SIPA1L3: variants seen among roughly 807,000 people sequenced by gnomAD.
SIPA1L3 encodes the protein signal induced proliferation associated 1 like 3, also known as signal-induced proliferation-associated 1-like protein 3.
SIPA1L3 carries 59 observed loss-of-function variants against 150.1 expected under a neutral mutation model. The observed-to-expected ratio is 0.39, with a 90% CI of 0.32 to 0.49. SIPA1L3 has a LOEUF of 0.49. Ranked by LOEUF, SIPA1L3 falls within the 20% of genes least tolerant of loss-of-function variation. The pLI, the probability that SIPA1L3 is intolerant of heterozygous loss-of-function variation, is 0.86. For missense variants in SIPA1L3, 2,211 were observed against 2,489.5 expected (o/e 0.89, Z 2.38); for synonymous variants, 1,070 against 1,077.6 (o/e 0.99, Z 0.14).
chr19:38,125,902 G>A (rs545415777), intron 9 of SIPA1L3, among the ~76,000 whole-genome samples: 13 of 152,232 alleles, frequency 8.5e-5, no homozygotes, highest in East Asian at 1.9e-4. Context: ...GGCCAAGCGC[G>A]GTGGCTCACG....
At chr19:38,179,657 C>T (rs1442077609) in intron 15 of SIPA1L3, among the ~76,000 whole-genome samples, 2 of 152,030 alleles carry the variant, frequency 1.3e-5, no homozygotes, top group Non-Finnish European at 2.9e-5. Context: ...TGTTTTAACC[C>T]AGCAGTATAG....
chr19:38,025,665 T>C (rs1968493337), intron 1 of SIPA1L3, among the ~76,000 whole-genome samples: 1 of 152,120 alleles, frequency 6.6e-6, no homozygotes, highest in African/African-American at 2.4e-5. Flanking sequence ...GCAATTTCCG[T>C]TGCAATTTAA....
chr19:38,134,023 G>A (rs527540235), intron 10 of SIPA1L3, among the ~76,000 whole-genome samples: 94 of 150,662 alleles, frequency 6.2e-4, no homozygotes, highest in Admixed American at 6.6e-5. Context: ...CACTCTTGTT[G>A]CCCAGACTGC....
intron 1 of SIPA1L3, among the ~76,000 whole-genome samples, chr19:37,916,188 G>A (rs1042471707): frequency 7.9e-5 from 12 of 151,340 alleles, no homozygotes; most frequent in Admixed American, 7.9e-4. Flanking sequence ...CACCACACCC[G>A]GCTAATTTTT....
At chr19:38,090,460 ATG>A (rs1351352634) in intron 4 of SIPA1L3, among the ~76,000 whole-genome samples, 4 of 152,128 alleles carry the variant, frequency 2.6e-5, no homozygotes, top group African/African-American at 9.7e-5. Context: ...CCGGTCTAGC[ATG>A]TGTTACCCAC....
intron 16 of SIPA1L3, among the ~76,000 whole-genome samples, chr19:38,183,307 C>A (rs1008323626): frequency 1.1e-4 from 17 of 151,252 alleles, no homozygotes; most frequent in African/African-American, 4.1e-4. Flanking sequence ...CTGCGAGGAG[C>A]AGGGAGGAGC....
chr19:38,079,287 C>T (rs1204365647), intron 2 of SIPA1L3, among the ~76,000 whole-genome samples: 2 of 152,308 alleles, frequency 1.3e-5, no homozygotes, highest in East Asian at 3.9e-4. Flanking sequence ...GAGCCGAGAT[C>T]GCGCCACTGT....
At chr19:38,103,865 G>A (rs181513613) in intron 6 of SIPA1L3, among the ~76,000 whole-genome samples, 1 of 130,442 alleles carries the variant, frequency 7.7e-6, no homozygotes, top group Admixed American at 9.0e-5. Flanking sequence ...TCGCACCACC[G>A]CACTCCAGCC....
Position 37,992,308 on chromosome 19 carries a change from A to G in SIPA1L3, c.-378-36781A>G, listed in dbSNP as rs534896789. Reference sequence around the variant, plus strand: ...TCATGATCATAATGCACAATTAAGAATGTCAGCTTGAGGCCTAGCAGTCAG... The same window carrying G: ...TCATGATCATAATGCACAATTAAGAGTGTCAGCTTGAGGCCTAGCAGTCAG... On this transcript the variant is annotated intron_variant, in intron 1 of 21. Transcript: ENST00000222345. Among the ~76,000 whole-genome samples, 12 of 152,296 alleles carry G rather than the reference A, an allele frequency of 7.9e-5. No homozygotes were observed. In the South Asian group the frequency reaches 2.3e-3, roughly 29 times the overall value.
At chr19:37,953,403 A>C (rs1454080474) in intron 1 of SIPA1L3, among the ~76,000 whole-genome samples, 1 of 152,204 alleles carries the variant, frequency 6.6e-6, no homozygotes, top group African/African-American at 2.4e-5. Context: ...CTTTGGAAAG[A>C]GCTGGATAGA....
chr19:38,054,723 T>C (rs534558518), intron 2 of SIPA1L3, among the ~76,000 whole-genome samples: 2 of 152,242 alleles, frequency 1.3e-5, no homozygotes, highest in Non-Finnish European at 2.9e-5. Context: ...GTGATGGTGA[T>C]AAGAGAACCT....
At chr19:37,931,172 T>A (rs1390871274) in intron 1 of SIPA1L3, among the ~76,000 whole-genome samples, 1 of 152,230 alleles carries the variant, frequency 6.6e-6, no homozygotes, top group Non-Finnish European at 1.5e-5. Context: ...TAAGTGCAGC[T>A]GATTGTTGAG....
At chr19:38,149,583 T>G (rs1462564409) in intron 12 of SIPA1L3, among the ~76,000 whole-genome samples, 1 of 152,212 alleles carries the variant, frequency 6.6e-6, no homozygotes, top group Non-Finnish European at 1.5e-5. Flanking sequence ...TTTCCCCACA[T>G]TGACGGGAAA....
chr19:38,164,684 C>A lies in SIPA1L3; in HGVS notation c.3986C>A (p.Pro1329Gln). 3 of 1,613,824 alleles carry A rather than the reference C, an allele frequency of 1.9e-6. No individual in the cohort carries two copies. The highest frequency in any genetic ancestry group is 2.5e-6 in the Non-Finnish European group (3 of 1,179,920). ...SPSCMSLAKA[P>Q]RPAKPHKPPG... ...AGCTGCATGTCCCTGGCCAAGGCTCCACGGCCCGCCAAGCCACACAAGCCC... is the reference window on the plus strand; with the variant it reads ...AGCTGCATGTCCCTGGCCAAGGCTCAACGGCCCGCCAAGCCACACAAGCCC... Residue 1329 changes from proline (P) to glutamine (Q), a missense_variant, in exon 15 of 22, where the codon CCA becomes CAA. Physicochemically the swap from Pro to Gln is moderately conservative, Grantham distance 76. Transcript: ENST00000222345. This position sits in a 1 kb window ranked among gnomAD's most constrained non-coding sequence, Gnocchi z 4.1.
At chr19:38,190,955 G>A (rs754936541) in intron 16 of SIPA1L3, among the ~76,000 whole-genome samples, 143 of 152,324 alleles carry the variant, frequency 9.4e-4, no homozygotes, top group Middle Eastern at 6.8e-3. Context: ...GCAGTGGCGT[G>A]GGTAGGCACT....
intron 10 of SIPA1L3, among the ~76,000 whole-genome samples, chr19:38,140,933 C>T (rs1014406686): frequency 2.0e-5 from 3 of 151,886 alleles, no homozygotes; most frequent in Non-Finnish European, 4.4e-5. Flanking sequence ...TGGCGCTTGC[C>T]TGTAGTCCCA....
chr19:38,088,679 C>G (rs1213446415), intron 3 of SIPA1L3, 42 bp from the exon 4 acceptor site: 1 of 1,602,176 alleles, frequency 6.2e-7, no homozygotes, highest in Admixed American at 1.7e-5. Context: ...GCCCCTCCTT[C>G]CCAGACAGCT....
chr19:38,149,067 T>C (rs558456852), intron 12 of SIPA1L3, among the ~76,000 whole-genome samples: 96 of 152,232 alleles, frequency 6.3e-4, no homozygotes, highest in Non-Finnish European at 1.3e-3. Context: ...ATGGTCAACA[T>C]AGGTCAGTTT....
intron 1 of SIPA1L3, among the ~76,000 whole-genome samples, chr19:37,924,027 G>A (rs558488493): frequency 2.0e-5 from 3 of 152,070 alleles, no homozygotes; most frequent in East Asian, 1.9e-4. Flanking sequence ...TGCCTCCCTC[G>A]GCCTCCCAAG....
Sources: allele counts gnomAD v4.1 joint callset (sites outside exome capture counted in the v4.1 genomes callset), GRCh38; gene constraint gnomAD v4.1.1; non-coding constraint Gnocchi (gnomAD v3.1); transcripts MANE v1.5; gene names NCBI Gene and HGNC (gene_info 2026-07-23, HGNC 2026-07-21).